Variants in SIPA1L2 observed in about 807,000 individuals in gnomAD.
SIPA1L2 encodes the protein signal-induced proliferation-associated 1-like protein 2.
A neutral mutation model predicts 163.9 loss-of-function variants in SIPA1L2; 56 were observed. The ratio of observed to expected loss-of-function variants is 0.34; its 90% CI spans 0.28 to 0.43. SIPA1L2 has a LOEUF of 0.43. Ranked by LOEUF, SIPA1L2 falls within the 20% of genes least tolerant of loss-of-function variation. The probability of loss-of-function intolerance (pLI) is 1.00; values close to 1 mark genes in which losing one functional copy is unlikely to be tolerated. For synonymous variants in SIPA1L2, 877 were observed against 865.7 expected, an observed-to-expected ratio of 1.01 and a Z score of -0.23; for missense variants, 1,974 against 2,193.5, an observed-to-expected ratio of 0.90 and a Z score of 2.00.
chr1:232,488,107 C>T (rs12404722), intron 5 of SIPA1L2, among the ~76,000 whole-genome samples: 38,219 of 151,844 alleles, frequency 0.25, 4,941 homozygotes, highest in Admixed American at 0.35. Context: ...TGCCCACCAT[C>T]ACACCTGGCT....
chr1:232,568,740 C>T (rs1001303109), intron 2 of SIPA1L2, among the ~76,000 whole-genome samples: 2 of 152,122 alleles, frequency 1.3e-5, no homozygotes, highest in African/African-American at 4.8e-5. Context: ...TTCTATACAT[C>T]TTTTTCACTC....
At position 232,615,554 on chromosome 1, in the gene SIPA1L2, G is replaced by A. The variant is rs562027235; in HGVS notation, c.-319+14315C>T. On this transcript the variant is annotated intron_variant, in intron 1 of 22. Coordinates refer to ENST00000674635, the MANE Select transcript of SIPA1L2 (RefSeq NM_020808.5). ...GGTTTTTGCTCCCAAGAAACCCTCTGGCTCCTGAATAAGTGATTACCATTA... is the reference window on the plus strand; with the variant it reads ...GGTTTTTGCTCCCAAGAAACCCTCTAGCTCCTGAATAAGTGATTACCATTA... 2.0e-5 allele frequency among the ~76,000 whole-genome samples: 3 copies of A among 152,274 alleles called. No individual in the cohort carries two copies. In the East Asian group the frequency reaches 5.8e-4, roughly 29 times the overall value.
At chr1:232,522,433 TATC>T (rs2103063039) in intron 2 of SIPA1L2, among the ~76,000 whole-genome samples, 1 of 152,096 alleles carries the variant, frequency 6.6e-6, no homozygotes, top group East Asian at 1.9e-4. Flanking sequence ...TCAGTTCACG[TATC>T]ATGTTTTTAA....
chr1:232,442,932 A>G (rs1662990675), intron 12 of SIPA1L2, among the ~76,000 whole-genome samples: 1 of 152,206 alleles, frequency 6.6e-6, no homozygotes, highest in Non-Finnish European at 1.5e-5. Context: ...GCAGTGATAT[A>G]AGCTGCTCCT....
chr1:232,400,164 T>A (rs1377319222), intron 22 of SIPA1L2, among the ~76,000 whole-genome samples: 1 of 152,108 alleles, frequency 6.6e-6, no homozygotes, highest in East Asian at 1.9e-4. Context: ...CACTTTGCTG[T>A]AAGGAGCAAC....
At position 232,416,225 on chromosome 1, in the gene SIPA1L2, C is replaced by A. The variant is rs566476383; in HGVS notation, c.4631-600G>T. ...AGTCAGTCAGCACAGGAACCACCAT[C>A]CCCTCCCAAAGTGGCCAAGATAATT... On this transcript the variant is annotated intron_variant, in intron 18 of 22. Coordinates refer to ENST00000674635, the MANE Select transcript of SIPA1L2 (RefSeq NM_020808.5). Among the ~76,000 whole-genome samples, 15 of 152,334 alleles carry A rather than the reference C, an allele frequency of 9.8e-5. No individual in the cohort carries two copies. In the East Asian group the frequency reaches 2.9e-3, roughly 29 times the overall value.
intron 10 of SIPA1L2, among the ~76,000 whole-genome samples, chr1:232,449,342 C>T (rs886468027): frequency 1.3e-5 from 2 of 151,160 alleles, no homozygotes; most frequent in Non-Finnish European, 3.0e-5. Context: ...CATGGTGAAA[C>T]CCCGTCTCTA....
chr1:232,443,637 C>T lies in SIPA1L2; in HGVS notation c.3402G>A (p.Gly1134=). Residue 1134 remains glycine (G), a synonymous_variant, in exon 12 of 23, where the codon GGG becomes GGA. Transcript: ENST00000674635. Reference sequence around the variant, plus strand: ...CCACTTGTGGTCTCCAGGGTCCGCTCCCGCCGGGTCCAGGGTCGCTGGAGG... The same window carrying T: ...CCACTTGTGGTCTCCAGGGTCCGCTTCCGCCGGGTCCAGGGTCGCTGGAGG... ...QSSSSDPGPG[G]SGPWRPQVGY... 1.2e-6 allele frequency: 2 copies of T among 1,609,720 alleles called. No homozygotes were observed. The highest frequency in any genetic ancestry group is 1.7e-6 in the Non-Finnish European group (2 of 1,178,078).
intron 2 of SIPA1L2, among the ~76,000 whole-genome samples, chr1:232,520,534 T>C (rs929785508): frequency 2.0e-5 from 3 of 152,344 alleles, no homozygotes; most frequent in Admixed American, 2.0e-4. Flanking sequence ...TTAAGACCAA[T>C]ATTAGAGTTC....
At chr1:232,585,443 G>C (rs1558286529) in intron 1 of SIPA1L2, among the ~76,000 whole-genome samples, 2 of 152,168 alleles carry the variant, frequency 1.3e-5, no homozygotes, top group African/African-American at 4.8e-5. Flanking sequence ...AAGACCTACA[G>C]TGTCTAAGGG....
chr1:232,573,026 C>T (rs1659886056), intron 2 of SIPA1L2, among the ~76,000 whole-genome samples: 1 of 151,906 alleles, frequency 6.6e-6, no homozygotes, highest in Non-Finnish European at 1.5e-5. Context: ...GGTGATCCGT[C>T]CGCCTCGGCC....
intron 1 of SIPA1L2, among the ~76,000 whole-genome samples, chr1:232,590,359 T>C (rs190381837): frequency 1.3e-5 from 2 of 152,256 alleles, no homozygotes; most frequent in Non-Finnish European, 2.9e-5. Flanking sequence ...CCATTTATTT[T>C]TGTATACAAC....
At chr1:232,498,527 T>C (rs1666312516) in intron 3 of SIPA1L2, among the ~76,000 whole-genome samples, 2 of 152,204 alleles carry the variant, frequency 1.3e-5, no homozygotes, top group Admixed American at 1.3e-4. Context: ...TCAGTTTCAA[T>C]AAGCAAAAAT....
At chr1:232,524,667 A>G (rs1176759525) in intron 2 of SIPA1L2, among the ~76,000 whole-genome samples, 2 of 152,196 alleles carry the variant, frequency 1.3e-5, no homozygotes, top group African/African-American at 4.8e-5. Context: ...AAATAACTAC[A>G]CAATCCCAAT....
chr1:232,531,171 A>G (rs1041781240), intron 2 of SIPA1L2, among the ~76,000 whole-genome samples: 2 of 152,210 alleles, frequency 1.3e-5, no homozygotes, highest in Non-Finnish European at 2.9e-5. Flanking sequence ...AATTTAGAGT[A>G]AAACTTCTCA....
intron 18 of SIPA1L2, 69 bp downstream of exon 18, chr1:232,425,520 A>T (rs1661836722): frequency 8.1e-7 from 1 of 1,232,306 alleles, no homozygotes; most frequent in South Asian, 1.6e-5. Flanking sequence ...CTCAGAGCTC[A>T]ATGAGGCAGG....
chr1:232,628,210 G>A (rs959744270), intron 1 of SIPA1L2, among the ~76,000 whole-genome samples: 2 of 152,182 alleles, frequency 1.3e-5, no homozygotes, highest in Non-Finnish European at 2.9e-5. Context: ...AAAAGGGCTT[G>A]TGCTTAGAAA....
intron 10 of SIPA1L2, among the ~76,000 whole-genome samples, chr1:232,459,904 T>C (rs911057530): frequency 7.9e-5 from 12 of 152,190 alleles, no homozygotes; most frequent in Non-Finnish European, 1.2e-4. Flanking sequence ...TTCATCTTCA[T>C]TGAAATCATA....
intron 2 of SIPA1L2, among the ~76,000 whole-genome samples, chr1:232,567,648 T>G (rs1659483274): frequency 1.3e-5 from 2 of 152,330 alleles, no homozygotes; most frequent in South Asian, 4.1e-4. Context: ...TGGACTGTGA[T>G]AGTGTAAAAT....
Sources: gnomAD v4.1 joint callset for allele counts (sites outside exome capture counted in the v4.1 genomes callset) on GRCh38, gnomAD v4.1.1 for gene constraint, MANE v1.5 for transcripts, NCBI Gene and HGNC (gene_info 2026-07-23, HGNC 2026-07-21) for gene names.